The following ZDHHC14 variants were observed in gnomAD, a reference collection of about 807,000 sequenced individuals.
ZDHHC14 encodes the protein palmitoyltransferase ZDHHC14.
A neutral mutation model predicts 47.7 loss-of-function variants in ZDHHC14; 16 were observed. The ratio of observed to expected loss-of-function variants is 0.34; its 90% CI spans 0.23 to 0.51. The LOEUF is 0.51. Among genes scored for constraint, ZDHHC14 ranks in the 20% least tolerant of loss-of-function variants. ZDHHC14 has a pLI of 0.97. For synonymous variants in ZDHHC14, 293 were observed against 278.9 expected (o/e 1.05, Z -0.50); for missense variants, 515 against 662.5 (o/e 0.78, Z 2.44).
At chr6:157,506,484 A>G (rs995621876) in intron 1 of ZDHHC14, among the ~76,000 whole-genome samples, 3 of 152,216 alleles carry the variant, frequency 2.0e-5, no homozygotes, top group Non-Finnish European at 4.4e-5. Flanking sequence ...TTATTTGTGC[A>G]TGAGATGATG....
rs545796162 is a variant in ZDHHC14, at chr6:157,516,684, C to A, written c.246-25901C>A. 7.2e-4 allele frequency among the ~76,000 whole-genome samples: 109 copies of A among 152,280 alleles called. 1 individual carries two copies. In the South Asian group the frequency reaches 0.018, roughly 25 times the overall value. Reference sequence around the variant, plus strand: ...GCTACAGTAATTGTGCAAGGAAGCACAAATCCAAGGAGAAAGAAGGTCAAG... The same window carrying A: ...GCTACAGTAATTGTGCAAGGAAGCAAAAATCCAAGGAGAAAGAAGGTCAAG... On this transcript the variant is annotated intron_variant, in intron 1 of 8. Transcript: ENST00000359775.
chr6:157,669,755 T>A (rs1003960178), intron 8 of ZDHHC14, among the ~76,000 whole-genome samples: 22 of 152,330 alleles, frequency 1.4e-4, no homozygotes, highest in African/African-American at 5.1e-4. Flanking sequence ...GAAAACAAGA[T>A]GCCTTGGTCC....
chr6:157,413,450 A>C lies in ZDHHC14; in HGVS notation c.245+31184A>C, dbSNP rs573680099. ...CACCAACACTCACTGGTAAGACGTC[A>C]CTGCCTTAGTTTGCCTCAGGAAGGG... is the stretch of plus-strand genomic sequence containing the variant. On this transcript the variant is annotated intron_variant, in intron 1 of 8. Transcript: ENST00000359775. Among the ~76,000 whole-genome samples, 13 of 152,314 alleles carry C rather than the reference A, an allele frequency of 8.5e-5. No homozygotes were observed. The South Asian group carries it at 2.7e-3, about 32-fold the overall frequency.
At chr6:157,559,718 C>T (rs1782633065) in intron 2 of ZDHHC14, among the ~76,000 whole-genome samples, 1 of 152,194 alleles carries the variant, frequency 6.6e-6, no homozygotes, top group Non-Finnish European at 1.5e-5. Context: ...TGGAGTTGGA[C>T]CCATTATAAA....
chr6:157,597,966 T>C (rs970177152), intron 3 of ZDHHC14, among the ~76,000 whole-genome samples: 5 of 152,232 alleles, frequency 3.3e-5, no homozygotes, highest in Admixed American at 1.3e-4. Flanking sequence ...GCTCTCTTTC[T>C]CATTCCCTCG....
intron 2 of ZDHHC14, among the ~76,000 whole-genome samples, chr6:157,576,173 A>G (rs572230303): frequency 1.2e-4 from 19 of 152,324 alleles, no homozygotes; most frequent in African/African-American, 4.6e-4. Context: ...ACAAACGGAC[A>G]TACTAAGGAT....
chr6:157,486,282 T>C (rs1389868338), intron 1 of ZDHHC14, among the ~76,000 whole-genome samples: 4 of 152,178 alleles, frequency 2.6e-5, no homozygotes, highest in Admixed American at 1.3e-4. Context: ...CTTGGCCGTA[T>C]GGTAGACACT....
intron 1 of ZDHHC14, among the ~76,000 whole-genome samples, chr6:157,527,065 C>T (rs1781181255): frequency 6.6e-6 from 1 of 152,100 alleles, no homozygotes; most frequent in Non-Finnish European, 1.5e-5. Flanking sequence ...TGTTGGGGTC[C>T]AGGACCCCTT....
intron 3 of ZDHHC14, among the ~76,000 whole-genome samples, chr6:157,597,857 G>T (rs1043875241): frequency 9.2e-5 from 14 of 152,228 alleles, no homozygotes; most frequent in Non-Finnish European, 1.9e-4. Context: ...TTTGGTGTGG[G>T]TGCCACAAAG....
chr6:157,620,735 G>A lies in ZDHHC14; in HGVS notation c.566-7614G>A, dbSNP rs545982949. 5.3e-5 allele frequency among the ~76,000 whole-genome samples: 8 copies of A among 152,280 alleles called. No homozygotes were observed. In the East Asian group the frequency reaches 1.4e-3, roughly 26 times the overall value. Reference sequence around the variant, plus strand: ...GCTGGGCCTTGGGTACCCATCACCCGATCAGCCTGAGTGTCTGCTCCAGCA... The same window carrying A: ...GCTGGGCCTTGGGTACCCATCACCCAATCAGCCTGAGTGTCTGCTCCAGCA... On this transcript the variant is annotated intron_variant, in intron 3 of 8. Transcript: ENST00000359775.
At chr6:157,653,997 C>T (rs958115697) in intron 8 of ZDHHC14, among the ~76,000 whole-genome samples, 6 of 152,138 alleles carry the variant, frequency 3.9e-5, no homozygotes, top group African/African-American at 1.4e-4. Flanking sequence ...TCCCTTGGTC[C>T]CCATCTGTAC....
At chr6:157,575,973 C>T (rs1783292414) in intron 2 of ZDHHC14, among the ~76,000 whole-genome samples, 1 of 152,196 alleles carries the variant, frequency 6.6e-6, no homozygotes, top group Non-Finnish European at 1.5e-5. Flanking sequence ...GCCCTGGCCT[C>T]CCCAACCCTT....
chr6:157,595,918 AG>A (rs1784109875), intron 3 of ZDHHC14, among the ~76,000 whole-genome samples: 1 of 152,228 alleles, frequency 6.6e-6, no homozygotes, highest in South Asian at 2.1e-4. Flanking sequence ...AGAAAGGGAA[AG>A]GAGAGGAAGT....
chr6:157,548,132 A>G (rs1782063176), intron 2 of ZDHHC14, among the ~76,000 whole-genome samples: 1 of 152,004 alleles, frequency 6.6e-6, no homozygotes, highest in South Asian at 2.1e-4. Context: ...CAGGGTCAAC[A>G]TAGCAGGCAT....
chr6:157,583,745 A>G (rs769335367), intron 2 of ZDHHC14, among the ~76,000 whole-genome samples: 26 of 152,070 alleles, frequency 1.7e-4, no homozygotes, highest in Non-Finnish European at 3.1e-4. Context: ...TGGCACTCCC[A>G]GGATGCCCAC....
chr6:157,564,521 C>T (rs1445493624), intron 2 of ZDHHC14, among the ~76,000 whole-genome samples: 3 of 152,174 alleles, frequency 2.0e-5, no homozygotes, highest in Non-Finnish European at 4.4e-5. Context: ...CAACCCAATA[C>T]ATCAGATGTC....
intron 1 of ZDHHC14, among the ~76,000 whole-genome samples, chr6:157,432,005 A>C (rs1454423261): frequency 2.0e-5 from 3 of 152,164 alleles, no homozygotes; most frequent in African/African-American, 4.8e-5. Context: ...CTGGGATTAC[A>C]GACGTGACCC....
At chr6:157,383,697 C>G (rs1166197411) in intron 1 of ZDHHC14, among the ~76,000 whole-genome samples, 1 of 152,206 alleles carries the variant, frequency 6.6e-6, no homozygotes, top group African/African-American at 2.4e-5. Flanking sequence ...AACTCCTCTT[C>G]CCCATTTCCG....
intron 1 of ZDHHC14, among the ~76,000 whole-genome samples, chr6:157,473,820 TG>T (rs1779412712): frequency 5.3e-5 from 8 of 152,202 alleles, no homozygotes; most frequent in Admixed American, 5.2e-4. Flanking sequence ...ATGTGTAAGG[TG>T]TGTATGAAAC....
Sources: allele counts gnomAD v4.1 joint callset (sites outside exome capture counted in the v4.1 genomes callset), GRCh38; gene constraint gnomAD v4.1.1; transcripts MANE v1.5; gene names NCBI Gene and HGNC (gene_info 2026-07-23, HGNC 2026-07-21).